The following LOC128462377 variants were observed in gnomAD, a reference collection of about 807,000 sequenced individuals.
chr16:89,385,721 C>T, the LOC128462377 span, among the ~76,000 whole-genome samples: 1 of 152,260 alleles, frequency 6.6e-6, no homozygotes, highest in African/African-American at 2.4e-5. Context: ...GCAAAGAAAA[C>T]CCCACTCAGC....
At chr16:89,331,249 C>A in the LOC128462377 span, among the ~76,000 whole-genome samples, 1 of 152,180 alleles carries the variant, frequency 6.6e-6, no homozygotes, top group Admixed American at 6.5e-5. Context: ...CCACTGCGCC[C>A]GGCCTGATGA....
chr16:89,355,736 G>C, the LOC128462377 span, among the ~76,000 whole-genome samples: 12 of 152,164 alleles, frequency 7.9e-5, no homozygotes, highest in Admixed American at 7.9e-4. Context: ...GCATCCACCC[G>C]TCGAGGGCAG....
chr16:89,397,389 C>T, the LOC128462377 span, among the ~76,000 whole-genome samples: 1 of 152,248 alleles, frequency 6.6e-6, no homozygotes, highest in Non-Finnish European at 1.5e-5. Flanking sequence ...CTCAAAGAAG[C>T]TGAAGCTTTC....
chr16:89,350,181 C>T, the LOC128462377 span, among the ~76,000 whole-genome samples: 3 of 152,182 alleles, frequency 2.0e-5, no homozygotes, highest in Non-Finnish European at 4.4e-5. Context: ...ATGGACTACA[C>T]CATGTAACGG....
the LOC128462377 span, among the ~76,000 whole-genome samples, chr16:89,357,138 T>C: frequency 1.3e-5 from 2 of 152,124 alleles, no homozygotes; most frequent in Non-Finnish European, 2.9e-5. Context: ...GGTGGAGCCA[T>C]CTAGGGGCAC....
At chr16:89,401,860 C>T in the LOC128462377 span, among the ~76,000 whole-genome samples, 1 of 151,898 alleles carries the variant, frequency 6.6e-6, no homozygotes, top group South Asian at 2.1e-4. Flanking sequence ...ACCAGAGACT[C>T]CCCCATCCCC....
the LOC128462377 span, among the ~76,000 whole-genome samples, chr16:89,359,888 T>C: frequency 6.6e-5 from 10 of 152,180 alleles, no homozygotes; most frequent in Admixed American, 3.9e-4. Flanking sequence ...CAGCATCACA[T>C]AGTTTATATG....
chr16:89,418,148 C>T, the LOC128462377 span: 3 of 395,504 alleles, frequency 7.6e-6, no homozygotes, highest in Admixed American at 2.6e-5. Context: ...AAATCCAGAA[C>T]AAAATTCACA....
the LOC128462377 span, among the ~76,000 whole-genome samples, chr16:89,342,800 CATT>C: frequency 6.6e-6 from 1 of 152,128 alleles, no homozygotes. Flanking sequence ...ACATGAAAAA[CATT>C]ATTACAGAAT....
the LOC128462377 span, among the ~76,000 whole-genome samples, chr16:89,328,473 G>C: frequency 6.6e-6 from 1 of 152,212 alleles, no homozygotes; most frequent in African/African-American, 2.4e-5. Flanking sequence ...CTCGAAACTG[G>C]GTTTCATTCA....
the LOC128462377 span, among the ~76,000 whole-genome samples, chr16:89,397,963 G>T: frequency 6.6e-6 from 1 of 152,218 alleles, no homozygotes; most frequent in African/African-American, 2.4e-5. Flanking sequence ...TTGTTGAATC[G>T]GTGCAATATT....
the LOC128462377 span, among the ~76,000 whole-genome samples, chr16:89,409,129 G>A: frequency 3.7e-4 from 56 of 152,304 alleles, no homozygotes; most frequent in East Asian, 0.01. Context: ...CAGGTATCAG[G>A]CCCCTCAAAG....
the LOC128462377 span, chr16:89,321,014 CCAGGGAAGGCA>C: frequency 6.6e-6 from 1 of 152,398 alleles, no homozygotes; most frequent in South Asian, 2.1e-4. Context: ...CAAGACCGGC[CCAGGGAAGGCA>C]CAGGGCAGGT....
the LOC128462377 span, among the ~76,000 whole-genome samples, chr16:89,331,257 T>A: frequency 6.6e-6 from 1 of 152,236 alleles, no homozygotes; most frequent in East Asian, 1.9e-4. Context: ...CCCGGCCTGA[T>A]GAAATACATT....
chr16:89,319,204 G>A, the LOC128462377 span, among the ~76,000 whole-genome samples: 2 of 152,326 alleles, frequency 1.3e-5, no homozygotes, highest in Non-Finnish European at 1.5e-5. Context: ...CAGCTCTGGC[G>A]TGGTCAGGGC....
At chr16:89,341,486 G>A in the LOC128462377 span, among the ~76,000 whole-genome samples, 266 of 152,238 alleles carry the variant, frequency 1.7e-3, 2 homozygotes, top group Non-Finnish European at 6.5e-4. Flanking sequence ...TGCTGGGCTC[G>A]TCACCTTAGC....
At chr16:89,384,607 G>A in the LOC128462377 span, among the ~76,000 whole-genome samples, 1 of 152,306 alleles carries the variant, frequency 6.6e-6, no homozygotes, top group East Asian at 1.9e-4. Flanking sequence ...GAGCAGGGCA[G>A]CTTCTGCAGG....
chr16:89,417,298 G>A, the LOC128462377 span, among the ~76,000 whole-genome samples: 2 of 152,276 alleles, frequency 1.3e-5, no homozygotes, highest in East Asian at 3.9e-4. Flanking sequence ...AACAGATTAT[G>A]TATTTTTGGA....
the LOC128462377 span, among the ~76,000 whole-genome samples, chr16:89,364,522 C>T: frequency 6.6e-6 from 1 of 152,142 alleles, no homozygotes; most frequent in Non-Finnish European, 1.5e-5. Context: ...ACCTATTCGC[C>T]CTCAAAACAG....
Sources: gnomAD v4.1 joint callset for allele counts (sites outside exome capture counted in the v4.1 genomes callset) on GRCh38, gnomAD v4.1.1 for gene constraint, MANE v1.5 for transcripts.